PTPRD: variants seen among roughly 807,000 people sequenced by gnomAD.
PTPRD encodes receptor-type tyrosine-protein phosphatase delta.
PTPRD carries 34 observed loss-of-function variants against 214.5 expected under a neutral mutation model. The ratio of observed to expected loss-of-function variants is 0.16; its 90% CI spans 0.12 to 0.21. The LOEUF (loss-of-function observed/expected upper bound fraction) is 0.21. Ranked by LOEUF, PTPRD falls within the 10% of genes least tolerant of loss-of-function variation. The pLI is 1.00. For missense variants in PTPRD, 2,545 were observed against 2,398.7 expected (o/e 1.06, Z -1.27); for synonymous variants, 1,128 against 845.7 (o/e 1.33, Z -5.79).
chr9:10,507,922 T>C (rs951325295), intron 2 of PTPRD, among the ~76,000 whole-genome samples: 1 of 152,100 alleles, frequency 6.6e-6, no homozygotes, highest in African/African-American at 2.4e-5. Context: ...CCAAAAGCAA[T>C]GGCAACAAAA....
In PTPRD at chr9:8,317,383, G is replaced by GACTT. The variant is rs1279034240; in HGVS notation, c.*487_*490dup. ...TACAATACTAAAAAACTAAATCAAGGACTTTCTTTTTAAACATTCCCTCCC... is the reference window on the plus strand; with the variant it reads ...TACAATACTAAAAAACTAAATCAAGGACTTACTTTCTTTTTAAACATTCCCTCCC... On this transcript the variant is annotated 3_prime_UTR_variant, in exon 46 of 46. Coordinates refer to ENST00000381196, the MANE Select transcript of PTPRD (RefSeq NM_002839.4). The GACTT allele has an allele frequency of 3.0e-5, 7 of 232,752 alleles. No homozygotes were observed. The highest frequency in any genetic ancestry group is 6.0e-5 in the Non-Finnish European group (7 of 117,592). 14.4% of individuals were successfully genotyped at this position (232,752 alleles called of 1,614,324 possible). A position where few individuals can be genotyped will look rare whatever the true frequency, so the allele number is the denominator to read the frequency against.
intron 9 of PTPRD, among the ~76,000 whole-genome samples, chr9:9,205,079 C>G (rs2099944043): frequency 6.6e-6 from 1 of 152,090 alleles, no homozygotes; most frequent in Admixed American, 6.6e-5. Flanking sequence ...AAACACATTA[C>G]TAATCTGATG....
intron 2 of PTPRD, among the ~76,000 whole-genome samples, chr9:10,477,999 G>T (rs903303951): frequency 6.6e-6 from 1 of 151,576 alleles, no homozygotes; most frequent in African/African-American, 2.4e-5. Flanking sequence ...ACAAGGGGAG[G>T]GAGAGCATTA....
intron 2 of PTPRD, among the ~76,000 whole-genome samples, chr9:10,433,590 T>A (rs760321626): frequency 2.2e-4 from 33 of 151,980 alleles, no homozygotes; most frequent in Admixed American, 7.9e-4. Context: ...GTGTGATGAA[T>A]GTTACCACAT....
intron 39 of PTPRD, among the ~76,000 whole-genome samples, chr9:8,372,725 T>G (rs1039333892): frequency 6.6e-6 from 1 of 152,082 alleles, no homozygotes; most frequent in African/African-American, 2.4e-5. Context: ...CTTGTTGCAC[T>G]AGGCTATCCC....
At chr9:9,608,389 G>C (rs1054894180) in intron 7 of PTPRD, among the ~76,000 whole-genome samples, 1 of 152,130 alleles carries the variant, frequency 6.6e-6, no homozygotes, top group Non-Finnish European at 1.5e-5. Flanking sequence ...TGTACTAAAA[G>C]TTTTTAAATC....
At chr9:9,607,452 A>T (rs1009786425) in intron 7 of PTPRD, among the ~76,000 whole-genome samples, 1 of 152,214 alleles carries the variant, frequency 6.6e-6, no homozygotes, top group African/African-American at 2.4e-5. Context: ...TGTGTTCTAC[A>T]AATAAGGAAA....
chr9:8,326,042 C>G (rs969323597), intron 44 of PTPRD, among the ~76,000 whole-genome samples: 2 of 152,116 alleles, frequency 1.3e-5, no homozygotes, highest in South Asian at 2.1e-4. Context: ...TCCACTTTTT[C>G]TAATTGAATA....
At chr9:9,843,498 A>G (rs1449225620) in intron 5 of PTPRD, among the ~76,000 whole-genome samples, 1 of 151,886 alleles carries the variant, frequency 6.6e-6, no homozygotes, top group Non-Finnish European at 1.5e-5. Flanking sequence ...TAAAATAAAT[A>G]ATATCTTATA....
chr9:8,433,682 T>C (rs1403689739), intron 35 of PTPRD, among the ~76,000 whole-genome samples: 1 of 152,148 alleles, frequency 6.6e-6, no homozygotes, highest in East Asian at 1.9e-4. Flanking sequence ...AAAGAAAAAA[T>C]GTTTTTGTAT....
At chr9:8,852,130 G>A (rs1175492095) in intron 11 of PTPRD, among the ~76,000 whole-genome samples, 1 of 152,004 alleles carries the variant, frequency 6.6e-6, no homozygotes, top group East Asian at 1.9e-4. Flanking sequence ...GTATTTGAAA[G>A]TACAATTTCT....
At chr9:8,948,041 G>C (rs943416591) in intron 11 of PTPRD, among the ~76,000 whole-genome samples, 3 of 133,632 alleles carry the variant, frequency 2.2e-5, no homozygotes, top group African/African-American at 8.5e-5. Flanking sequence ...TTTTTTTTGA[G>C]ACGGAGTCTC....
At chr9:10,399,224 G>A (rs577588974) in intron 2 of PTPRD, among the ~76,000 whole-genome samples, 3 of 152,084 alleles carry the variant, frequency 2.0e-5, no homozygotes, top group African/African-American at 7.2e-5. Context: ...GGATTGCAAA[G>A]ATGAGACAAC....
chr9:10,528,811 C>A (rs2055162200), intron 2 of PTPRD, among the ~76,000 whole-genome samples: 1 of 152,086 alleles, frequency 6.6e-6, no homozygotes, highest in Non-Finnish European at 1.5e-5. Context: ...ACTATTTCAA[C>A]AACATTAAAT....
chr9:9,254,084 A>G (rs1464968088), intron 9 of PTPRD, among the ~76,000 whole-genome samples: 1 of 152,104 alleles, frequency 6.6e-6, no homozygotes, highest in Non-Finnish European at 1.5e-5. Context: ...AAAATCCAGG[A>G]TGATATCCTT....
intron 2 of PTPRD, among the ~76,000 whole-genome samples, chr9:10,582,739 TAC>T (rs1396970734): frequency 5.9e-5 from 9 of 152,150 alleles, no homozygotes; most frequent in African/African-American, 2.2e-4. Flanking sequence ...CTTATATTGT[TAC>T]AGAATTAATA....
In PTPRD at chr9:8,414,930, G is replaced by GGAGAGAGA. The variant is rs58529453; in HGVS notation, c.4087-10278_4087-10271dup. Among the ~76,000 whole-genome samples, 181 of 49,236 alleles carry GGAGAGAGA rather than the reference G, an allele frequency of 3.7e-3. 5 individuals carry two copies. The highest frequency in any genetic ancestry group is 5.4e-3 in the South Asian group (4 of 742). 32.3% of individuals were successfully genotyped at this position (49,236 alleles called of 152,430 possible). On this transcript the variant is annotated intron_variant, in intron 35 of 45. Transcript: ENST00000381196. Reference sequence around the variant, plus strand: ...GAGGGAGGGGGAGAGAGAGGGAGGGGGAGAGAGAGAGAGAGAGAGAGAGAG... The same window carrying GGAGAGAGA: ...GAGGGAGGGGGAGAGAGAGGGAGGGGGAGAGAGAGAGAGAGAGAGAGAGAGAGAGAGAG...
At chr9:8,762,933 G>A (rs139918703) in intron 11 of PTPRD, among the ~76,000 whole-genome samples, 62 of 152,258 alleles carry the variant, frequency 4.1e-4, no homozygotes, top group Non-Finnish European at 7.3e-4. Flanking sequence ...CCCAGCATGG[G>A]ATGGAGCCTC....
intron 11 of PTPRD, among the ~76,000 whole-genome samples, chr9:8,830,311 T>C (rs1451811890): frequency 6.6e-6 from 1 of 152,046 alleles, no homozygotes. Flanking sequence ...TTAGTATAAA[T>C]TTGCAAAGAT....
Sources: allele counts gnomAD v4.1 joint callset (sites outside exome capture counted in the v4.1 genomes callset), GRCh38; gene constraint gnomAD v4.1.1; transcripts MANE v1.5; gene names NCBI Gene and HGNC (gene_info 2026-07-23, HGNC 2026-07-21).